Variants in LYPD8 observed in about 807,000 individuals in gnomAD.
The protein encoded by LYPD8 is ly6/PLAUR domain-containing protein 8.
A neutral mutation model predicts 1.7 loss-of-function variants in LYPD8; 8 were observed. The observed-to-expected ratio is 4.58, with a 90% confidence interval of 2.69 to 8.27. LYPD8 has a LOEUF of 8.27. LYPD8 is among the 30% of genes most tolerant of loss of function. The pLI, the probability that LYPD8 is intolerant of heterozygous loss-of-function variation, is 0.00. For missense variants in LYPD8, 112 were observed against 102.3 expected (o/e 1.09, Z -0.41); for synonymous variants, 50 against 43.6 (o/e 1.15, Z -0.58).
At chr1:248,745,548 G>A (rs1327687382) in intron 5 of LYPD8, among the ~76,000 whole-genome samples, 1 of 152,170 alleles carries the variant, frequency 6.6e-6, no homozygotes, top group Non-Finnish European at 1.5e-5. Flanking sequence ...AAGATTTTGA[G>A]CTAAAACCAA....
intron 6 of LYPD8, among the ~76,000 whole-genome samples, chr1:248,741,702 A>G (rs1455853193): frequency 1.3e-5 from 2 of 152,248 alleles, no homozygotes; most frequent in East Asian, 1.9e-4. Context: ...GCTGGGGACA[A>G]GATAAGCAGA....
At chr1:248,751,759 G>T (rs991650933) in intron 2 of LYPD8, among the ~76,000 whole-genome samples, 1 of 152,012 alleles carries the variant, frequency 6.6e-6, no homozygotes, top group Non-Finnish European at 1.5e-5. Context: ...CTGGAGTTTC[G>T]TCTGTGTCCC....
rs1361955512 is a variant in LYPD8 at position 248,750,275 on chromosome 1, GAAGCTTTGA to G, written c.172+240_172+248del. On this transcript the variant is annotated intron_variant, in intron 4 of 6. Coordinates refer to ENST00000590317, the MANE Select transcript of LYPD8 (RefSeq NM_001085474.2). ...ACATCCACTGACATGCGTCTCGAAT[GAAGCTTTGA>G]GGTCACGGGCATCAGTCCCAAACAC... Among the ~76,000 whole-genome samples the G allele has an allele frequency of 4.8e-3, 650 of 134,978 alleles. 5 individuals carry two copies. The highest frequency in any genetic ancestry group is 0.017 in the African/African-American group (633 of 37,378). The allele number at this position is 134,978 out of a possible 152,430, so 88.6% of individuals were successfully genotyped here.
At chr1:248,743,236 G>A (rs375056100) in intron 6 of LYPD8, among the ~76,000 whole-genome samples, 113 of 152,248 alleles carry the variant, frequency 7.4e-4, no homozygotes, top group African/African-American at 1.7e-3. Flanking sequence ...AGACCGAGGC[G>A]GGCGGATCAC....
chr1:248,742,260 C>T (rs868939720), intron 6 of LYPD8, among the ~76,000 whole-genome samples: 75 of 64,128 alleles, frequency 1.2e-3, no homozygotes, highest in Admixed American at 1.5e-3. Flanking sequence ...GGGGAGGTTA[C>T]GCTCTGGTGG....
chr1:248,752,789 CACACACCACACCCCACAA>C (rs1662830761), intron 2 of LYPD8, among the ~76,000 whole-genome samples: 55 of 98,990 alleles, frequency 5.6e-4, no homozygotes, highest in African/African-American at 1.3e-3. Context: ...ACACACCACA[CACACACCACACCCCACAA>C]CACACACACA....
In LYPD8 at chr1:248,748,371, G is replaced by T; in HGVS notation, c.255C>A (p.Val85=). 4.4e-6 allele frequency: 2 copies of T among 455,220 alleles called. No homozygotes were observed. Among genetic ancestry groups the T allele is most frequent in the Non-Finnish European group, 7.7e-6 (2 of 261,066 alleles). 28.2% of individuals were successfully genotyped at this position (455,220 alleles called of 1,614,324 possible). A position where few individuals can be genotyped will look rare whatever the true frequency, so the allele number is the denominator to read the frequency against. Residue 85 remains valine, a synonymous_variant, in exon 5 of 7, where the codon GTC becomes GTA. Transcript: ENST00000590317. ...SEETHITAFT[V]HVSAEEHFHF... ...GAAAGTGTTCTTCAGCAGACACGTG[G>T]ACAGTGAAGGCTGTAATGTGTGTCT...
chr1:248,749,933 AC>A (rs1310653164), intron 4 of LYPD8, among the ~76,000 whole-genome samples: 1 of 151,578 alleles, frequency 6.6e-6, no homozygotes, highest in African/African-American at 2.4e-5. Flanking sequence ...AAAAAAAAAA[AC>A]TATAGCAAAA....
In LYPD8 at chr1:248,753,424, CACA is replaced by C. The variant is rs1475615931; in HGVS notation, c.-50+1812_-50+1814del. ...CATCACACACACACCACACACCACA[CACA>C]ACACACACAACACAACACACACAAC... On this transcript the variant is annotated intron_variant, in intron 2 of 6. Coordinates refer to ENST00000590317, the MANE Select transcript of LYPD8 (RefSeq NM_001085474.2). 3.9e-3 allele frequency among the ~76,000 whole-genome samples: 447 copies of C among 113,708 alleles called. 3 individuals carry two copies. The highest frequency in any genetic ancestry group is 6.4e-3 in the Admixed American group (80 of 12,564). 74.6% of individuals were successfully genotyped at this position (113,708 alleles called of 152,430 possible). A position where few individuals can be genotyped will look rare whatever the true frequency, so the allele number is the denominator to read the frequency against.
intron 6 of LYPD8, among the ~76,000 whole-genome samples, chr1:248,744,613 G>T (rs139417290): frequency 0.039 from 3,667 of 94,032 alleles, 39 homozygotes; most frequent in East Asian, 0.16. Context: ...GTCAAATGTG[G>T]ATCTCACAAT....
At chr1:248,741,639 T>C (rs1182574676) in intron 6 of LYPD8, among the ~76,000 whole-genome samples, 2 of 152,248 alleles carry the variant, frequency 1.3e-5, no homozygotes, top group African/African-American at 4.8e-5. Flanking sequence ...TGTCTGGCTT[T>C]CAGCTTAAGT....
At chr1:248,750,367 G>A (rs1662779850) in intron 4 of LYPD8, among the ~76,000 whole-genome samples, 157 bp downstream of exon 4, 1 of 152,128 alleles carries the variant, frequency 6.6e-6, no homozygotes, top group Admixed American at 6.5e-5. Flanking sequence ...GCTTGCCTCA[G>A]CCAAGCGTTG....
intron 2 of LYPD8, among the ~76,000 whole-genome samples, chr1:248,752,928 TCA>T (rs1264128712): frequency 2.1e-5 from 1 of 48,156 alleles, no homozygotes; most frequent in African/African-American, 9.4e-5. Context: ...ACACACCACA[TCA>T]CACACACACC....
intron 5 of LYPD8, among the ~76,000 whole-genome samples, chr1:248,746,084 A>G (rs1012436187): frequency 7.5e-4 from 114 of 152,280 alleles, no homozygotes; most frequent in African/African-American, 2.5e-3. Context: ...TTCCCGTTGT[A>G]TATGTTTCTT....
chr1:248,740,393 G>A (rs758660151), intron 6 of LYPD8, among the ~76,000 whole-genome samples: 10 of 152,222 alleles, frequency 6.6e-5, no homozygotes, highest in South Asian at 2.1e-4. Flanking sequence ...TGTCTCTGCC[G>A]TAAATTGGGG....
At chr1:248,744,653 G>T (rs888719111) in intron 6 of LYPD8, among the ~76,000 whole-genome samples, 8 of 149,282 alleles carry the variant, frequency 5.4e-5, no homozygotes, top group Non-Finnish European at 1.0e-4. Context: ...TTTTACGATA[G>T]TTAGTATCAA....
At chr1:248,744,818 C>T (rs1424633258) in intron 6 of LYPD8, among the ~76,000 whole-genome samples, 1 of 152,148 alleles carries the variant, frequency 6.6e-6, no homozygotes, top group Non-Finnish European at 1.5e-5. Flanking sequence ...ACCACCCTCA[C>T]CTATAGAATG....
intron 2 of LYPD8, among the ~76,000 whole-genome samples, chr1:248,754,318 G>A (rs1323855913): frequency 6.9e-6 from 1 of 144,902 alleles, no homozygotes; most frequent in African/African-American, 2.6e-5. Context: ...CTACACACAT[G>A]CAAATCACAT....
chr1:248,742,723 G>A (rs1662633524), intron 6 of LYPD8, among the ~76,000 whole-genome samples: 1 of 87,230 alleles, frequency 1.1e-5, no homozygotes, highest in Non-Finnish European at 2.2e-5. Context: ...ATTATGCTCT[G>A]GTGGGGATGT....
Sources: allele counts gnomAD v4.1 joint callset (sites outside exome capture counted in the v4.1 genomes callset), GRCh38; gene constraint gnomAD v4.1.1; transcripts MANE v1.5; gene names NCBI Gene and HGNC (gene_info 2026-07-23, HGNC 2026-07-21).